SAV1: variants seen among roughly 807,000 people sequenced by gnomAD.
SAV1 encodes salvador family WW domain containing protein 1.
A neutral mutation model predicts 47.3 loss-of-function variants in SAV1; 23 were observed. That is an observed-to-expected ratio of 0.49 (90% confidence interval 0.35 to 0.69). SAV1 has a LOEUF of 0.69. Among genes scored for constraint, SAV1 ranks in the 30% least tolerant of loss-of-function variants. SAV1 has a pLI of 0.01. For missense variants in SAV1, 448 were observed against 457.4 expected (o/e 0.98, Z 0.19); for synonymous variants, 155 against 159.2 (o/e 0.97, Z 0.20).
rs1377827774 is a variant in SAV1 at position 50,634,232 on chromosome 14, G to A, written c.*951C>T. 1 of 451,454 alleles carries A rather than the reference G, an allele frequency of 2.2e-6. No individual in the cohort carries two copies. Among genetic ancestry groups the A allele is most frequent in the Non-Finnish European group, 4.5e-6 (1 of 224,408 alleles). The allele number at this position is 451,454 out of a possible 1,614,324, so 28.0% of individuals were successfully genotyped here. A position where few individuals can be genotyped will look rare whatever the true frequency, so the allele number is the denominator to read the frequency against. On this transcript the variant is annotated 3_prime_UTR_variant, in exon 5 of 5. Transcript: ENST00000324679. ...GAGTTTCACGCACCTTCCCAATACA[G>A]GCTAAGTATTCCTGCTTATATGTAT...
chr14:50,635,546 G>A (rs941487656), intron 4 of SAV1, among the ~76,000 whole-genome samples, 162 bp from the exon 5 acceptor site: 1 of 152,150 alleles, frequency 6.6e-6, no homozygotes, highest in South Asian at 2.1e-4. Flanking sequence ...GCCTATTATA[G>A]TCCCAGCTAC....
chr14:50,653,682 A>G (rs1366575049), intron 2 of SAV1, among the ~76,000 whole-genome samples: 1 of 152,130 alleles, frequency 6.6e-6, no homozygotes, highest in Non-Finnish European at 1.5e-5. Flanking sequence ...CATCCTGGCC[A>G]ACATGGTGAA....
At chr14:50,657,244 AGGCT>A (rs2039820818) in intron 2 of SAV1, among the ~76,000 whole-genome samples, 1 of 152,128 alleles carries the variant, frequency 6.6e-6, no homozygotes, top group Non-Finnish European at 1.5e-5. Flanking sequence ...CATGTTGGTC[AGGCT>A]GGTCTTGAAC....
chr14:50,640,775 G>A lies in SAV1; in HGVS notation c.925C>T (p.Gln309Ter). The A allele has an allele frequency of 2.5e-6, 4 of 1,613,570 alleles. No individual in the cohort carries two copies. The highest frequency in any genetic ancestry group is 3.4e-6 in the Non-Finnish European group (4 of 1,179,756). Residue 309 changes from glutamine (Q) to a stop codon, truncating the protein, a stop_gained, in exon 4 of 5, where the codon CAG (glutamine) becomes TAG (stop). Coordinates refer to ENST00000324679, the MANE Select transcript of SAV1 (RefSeq NM_021818.4). LOFTEE classifies it high-confidence loss of function. Reference sequence around the variant, plus strand: ...TTCACAGGGGCTCGTGCGTAAACCTGAAGCCAGTCAGGAATTTCTGCAGTA... The same window carrying A: ...TTCACAGGGGCTCGTGCGTAAACCTAAAGCCAGTCAGGAATTTCTGCAGTA... ...YHTAEIPDWL[Q>*]VYARAPVKYD...
At chr14:50,635,434 G>A in intron 4 of SAV1, 50 bp from the exon 5 acceptor site, 1 of 1,387,866 alleles carries the variant, frequency 7.2e-7, no homozygotes, top group Non-Finnish European at 1.0e-6. Context: ...ACATAAACAT[G>A]TATTTCTAGC....
At chr14:50,654,529 G>A (rs1400568654) in intron 2 of SAV1, among the ~76,000 whole-genome samples, 1 of 152,164 alleles carries the variant, frequency 6.6e-6, no homozygotes, top group Non-Finnish European at 1.5e-5. Context: ...AGCAATCACT[G>A]ATCACAGATC....
chr14:50,658,522 T>C (rs1389652), intron 2 of SAV1, among the ~76,000 whole-genome samples: 68,914 of 152,004 alleles, frequency 0.45, 17,382 homozygotes, highest in East Asian at 0.74. Flanking sequence ...TCTGAGATTA[T>C]ACAACTTGTT....
intron 2 of SAV1, among the ~76,000 whole-genome samples, chr14:50,653,164 T>C (rs188111628): frequency 7.9e-4 from 120 of 152,002 alleles, no homozygotes; most frequent in African/African-American, 2.8e-3. Flanking sequence ...ACTAAAGACA[T>C]ACAACAATGA....
intron 1 of SAV1, 41 bp downstream of exon 1, chr14:50,667,833 C>A (rs1273414162): frequency 1.3e-6 from 2 of 1,571,336 alleles, no homozygotes; most frequent in East Asian, 2.3e-5. Flanking sequence ...GAGCACCTGG[C>A]CGCCTGGGCC....
At chr14:50,651,236 C>T (rs1016908869) in intron 2 of SAV1, among the ~76,000 whole-genome samples, 2 of 152,036 alleles carry the variant, frequency 1.3e-5, no homozygotes, top group African/African-American at 4.8e-5. Context: ...ATGTGTTTTA[C>T]AGCTACAGAA....
At chr14:50,654,212 A>G (rs2039793547) in intron 2 of SAV1, among the ~76,000 whole-genome samples, 1 of 152,246 alleles carries the variant, frequency 6.6e-6, no homozygotes, top group Non-Finnish European at 1.5e-5. Flanking sequence ...TTTTACCCAC[A>G]GTAGCATTTC....
intron 3 of SAV1, among the ~76,000 whole-genome samples, chr14:50,644,234 A>G (rs1330537469): frequency 6.6e-6 from 1 of 152,246 alleles, no homozygotes; most frequent in Non-Finnish European, 1.5e-5. Context: ...AAAACAGCAC[A>G]AAGAATTACT....
intron 4 of SAV1, among the ~76,000 whole-genome samples, chr14:50,640,417 G>A (rs1440254084): frequency 6.6e-6 from 1 of 152,136 alleles, no homozygotes; most frequent in Non-Finnish European, 1.5e-5. Context: ...ACTGTGCCAA[G>A]CCCAGGTCCT....
intron 1 of SAV1, 56 bp downstream of exon 1, chr14:50,667,817 TC>T: frequency 6.9e-7 from 1 of 1,448,604 alleles, no homozygotes. Flanking sequence ...CCCGCCAGGG[TC>T]CCCGGAGCAC....
intron 4 of SAV1, among the ~76,000 whole-genome samples, chr14:50,640,260 A>T (rs565906404): frequency 1.4e-4 from 22 of 152,334 alleles, no homozygotes; most frequent in South Asian, 8.3e-4. Context: ...TTGGGACTAC[A>T]GACCATGCAA....
chr14:50,654,875 T>C (rs942249443), intron 2 of SAV1, among the ~76,000 whole-genome samples: 1 of 152,174 alleles, frequency 6.6e-6, no homozygotes, highest in Non-Finnish European at 1.5e-5. Flanking sequence ...CTGGAACCTA[T>C]GCAATAGAAA....
chr14:50,645,041 A>G, intron 2 of SAV1, 27 bp from the exon 3 acceptor site: 1 of 1,584,878 alleles, frequency 6.3e-7, no homozygotes, highest in East Asian at 2.2e-5. Flanking sequence ...AATGATAGAG[A>G]AGAAACAGAA....
At chr14:50,644,600 T>C in intron 3 of SAV1, 144 bp downstream of exon 3, 2 of 715,080 alleles carry the variant, frequency 2.8e-6, no homozygotes, top group Non-Finnish European at 2.2e-6. Context: ...TAAATGTATG[T>C]CCAGAGAAAA....
At chr14:50,639,577 A>C (rs1354629576) in intron 4 of SAV1, among the ~76,000 whole-genome samples, 1 of 152,186 alleles carries the variant, frequency 6.6e-6, no homozygotes, top group South Asian at 2.1e-4. Flanking sequence ...CCTATTTGCT[A>C]GTTTCCTTGA....
Sources: allele counts gnomAD v4.1 joint callset (sites outside exome capture counted in the v4.1 genomes callset), GRCh38; gene constraint gnomAD v4.1.1; transcripts MANE v1.5; gene names NCBI Gene and HGNC (gene_info 2026-07-23, HGNC 2026-07-21).